The following NR3C2 variants were observed in gnomAD, a reference collection of about 807,000 sequenced individuals.
NR3C2 encodes mineralocorticoid receptor.
Under a neutral mutation model 86.4 loss-of-function variants are expected in NR3C2, and 15 were observed. The ratio of observed to expected loss-of-function variants is 0.17; its 90% CI spans 0.12 to 0.27. NR3C2 has a LOEUF of 0.27. Ranked by LOEUF, NR3C2 falls within the 10% of genes least tolerant of loss-of-function variation. NR3C2 has a pLI of 1.00. For synonymous variants in NR3C2, 458 were observed against 450.5 expected, an observed-to-expected ratio of 1.02 and a Z score of -0.21; for missense variants, 960 against 1,195.6, an observed-to-expected ratio of 0.80 and a Z score of 2.91.
At chr4:148,207,981 C>G (rs144318914) in intron 3 of NR3C2, 1 of 152,304 alleles carries the variant, frequency 6.6e-6, no homozygotes, top group Non-Finnish European at 1.5e-5. Context: ...ACTACACTTA[C>G]CTATTTTCAG....
At chr4:148,339,679 G>A (rs922384653) in intron 2 of NR3C2, among the ~76,000 whole-genome samples, 1 of 152,076 alleles carries the variant, frequency 6.6e-6, no homozygotes, top group East Asian at 1.9e-4. Context: ...GGAAAAAAAA[G>A]TCCTTTCACT....
chr4:148,205,233 G>A (rs1736943557), intron 3 of NR3C2, among the ~76,000 whole-genome samples: 1 of 152,178 alleles, frequency 6.6e-6, no homozygotes, highest in Admixed American at 6.5e-5. Flanking sequence ...AATCTAAAAT[G>A]TTTGCAAGAA....
chr4:148,191,429 T>C (rs886612222), intron 4 of NR3C2, among the ~76,000 whole-genome samples: 7 of 152,240 alleles, frequency 4.6e-5, no homozygotes, highest in African/African-American at 1.7e-4. Context: ...TTCCTTTGTC[T>C]TAACTTTGGA....
At chr4:148,133,511 T>C (rs1261608963) in intron 6 of NR3C2, among the ~76,000 whole-genome samples, 5 of 152,240 alleles carry the variant, frequency 3.3e-5, no homozygotes, top group African/African-American at 1.2e-4. Context: ...AATTCAATAG[T>C]TAAATGCTAA....
chr4:148,401,022 A>T (rs1301785728), intron 2 of NR3C2, among the ~76,000 whole-genome samples: 3 of 152,298 alleles, frequency 2.0e-5, no homozygotes, highest in Non-Finnish European at 4.4e-5. Context: ...ACTAATAACA[A>T]CATCAAACAC....
chr4:148,098,711 A>C (rs1451494641), intron 8 of NR3C2, among the ~76,000 whole-genome samples: 1 of 152,222 alleles, frequency 6.6e-6, no homozygotes, highest in Non-Finnish European at 1.5e-5. Flanking sequence ...AAATCTGAGA[A>C]TGATGAGTAT....
intron 2 of NR3C2, among the ~76,000 whole-genome samples, chr4:148,333,595 TATGCCAAGTCCCAC>T (rs1158271809): frequency 2.6e-5 from 4 of 152,164 alleles, no homozygotes; most frequent in African/African-American, 9.6e-5. Context: ...CTCCAAAGAT[TATGCCAAGTCCCAC>T]ATGCTAGTCC....
At chr4:148,133,448 G>A (rs1322754561) in intron 6 of NR3C2, among the ~76,000 whole-genome samples, 6 of 151,998 alleles carry the variant, frequency 3.9e-5, no homozygotes, top group Non-Finnish European at 8.8e-5. Context: ...TTATAAAATG[G>A]GGCTGCAAAA....
Position 148,436,012 on chromosome 4 carries a change from A to C in NR3C2, c.849T>G (p.Ser283=). The part of the protein sequence containing the change: ...SSPPSHCSVK[S]PVSSPNNVTL... Reference sequence around the variant, plus strand: ...TGACATTATTGGGACTGGAGACTGGAGATTTTACACTGCAGTGACTTGGAG... The same window carrying C: ...TGACATTATTGGGACTGGAGACTGGCGATTTTACACTGCAGTGACTTGGAG... Residue 283 remains serine, a synonymous_variant, in exon 2 of 9, where the codon TCT becomes TCG. Transcript: ENST00000358102. 6.2e-7 allele frequency: 1 copy of C among 1,614,158 alleles called. No individual in the cohort carries two copies. Among genetic ancestry groups the C allele is most frequent in the Non-Finnish European group, 8.5e-7 (1 of 1,180,032 alleles).
intron 6 of NR3C2, among the ~76,000 whole-genome samples, chr4:148,137,961 TTA>T (rs1380306499): frequency 6.6e-6 from 1 of 152,204 alleles, no homozygotes; most frequent in East Asian, 1.9e-4. Flanking sequence ...TGTGATGGCT[TTA>T]TGTTTCTTTT....
chr4:148,279,162 C>CAATA (rs749584608), intron 2 of NR3C2, among the ~76,000 whole-genome samples: 11 of 151,976 alleles, frequency 7.2e-5, no homozygotes, highest in Non-Finnish European at 1.5e-4. Context: ...GACTCCGTCT[C>CAATA]AATAAATAAA....
In NR3C2 at chr4:148,255,986, A is replaced by C. The variant is rs558372476; in HGVS notation, c.1897+3992T>G. Among the ~76,000 whole-genome samples the C allele has an allele frequency of 3.9e-5, 6 of 152,340 alleles. No homozygotes were observed. The South Asian group carries it at 1.2e-3, about 32-fold the overall frequency. On this transcript the variant is annotated intron_variant, in intron 3 of 8. Coordinates refer to ENST00000358102, the MANE Select transcript of NR3C2 (RefSeq NM_000901.5). ...TCAAACATTTATTTGGTGGCTACTA[A>C]ATATCCACAGCCTTGCTAGATTATT...
chr4:148,110,342 T>G (rs1731996160), intron 8 of NR3C2, among the ~76,000 whole-genome samples: 1 of 152,208 alleles, frequency 6.6e-6, no homozygotes, highest in African/African-American at 2.4e-5. Flanking sequence ...TCCTGAGAGC[T>G]GGCATACTAC....
intron 2 of NR3C2, among the ~76,000 whole-genome samples, chr4:148,263,627 A>T (rs907740533): frequency 6.6e-6 from 1 of 152,228 alleles, no homozygotes; most frequent in Non-Finnish European, 1.5e-5. Context: ...GGACACTTAA[A>T]GTCTTTCTCC....
chr4:148,367,305 T>C (rs1177058360), intron 2 of NR3C2, among the ~76,000 whole-genome samples: 2 of 152,342 alleles, frequency 1.3e-5, no homozygotes, highest in East Asian at 1.9e-4. Flanking sequence ...CCAAATATTA[T>C]ACATATACTT....
At chr4:148,118,800 C>T (rs1400497716) in intron 7 of NR3C2, among the ~76,000 whole-genome samples, 4 of 152,196 alleles carry the variant, frequency 2.6e-5, no homozygotes, top group Non-Finnish European at 5.9e-5. Context: ...CTCTGACCCA[C>T]AGCACTTTCA....
chr4:148,391,048 T>C (rs1747521835), intron 2 of NR3C2, among the ~76,000 whole-genome samples: 1 of 152,250 alleles, frequency 6.6e-6, no homozygotes, highest in African/African-American at 2.4e-5. Flanking sequence ...TGCTAAATTA[T>C]ATACCATTAT....
intron 8 of NR3C2, among the ~76,000 whole-genome samples, chr4:148,094,126 A>T (rs1731175270): frequency 6.6e-6 from 1 of 152,224 alleles, no homozygotes; most frequent in African/African-American, 2.4e-5. Flanking sequence ...AATGCAAATC[A>T]AAACTAAAAC....
intron 2 of NR3C2, among the ~76,000 whole-genome samples, chr4:148,301,603 G>T (rs1211729473): frequency 6.6e-6 from 1 of 152,160 alleles, no homozygotes; most frequent in Non-Finnish European, 1.5e-5. Flanking sequence ...GCACTAATCT[G>T]CTCTTTAGCA....
Sources: gnomAD v4.1 joint callset for allele counts (sites outside exome capture counted in the v4.1 genomes callset) on GRCh38, gnomAD v4.1.1 for gene constraint, MANE v1.5 for transcripts, NCBI Gene and HGNC (gene_info 2026-07-23, HGNC 2026-07-21) for gene names.